CPQ: variants seen among roughly 807,000 people sequenced by gnomAD.
CPQ encodes Ser-Met dipeptidase.
A neutral mutation model predicts 45.7 loss-of-function variants in CPQ; 37 were observed. The observed-to-expected ratio is 0.81, with a 90% CI of 0.62 to 1.07. The LOEUF (loss-of-function observed/expected upper bound fraction) is 1.07, where lower values mean the gene tolerates loss of function less well. Ranked by LOEUF, CPQ falls within the 50% of genes least tolerant of loss-of-function variation. CPQ has a pLI of 0.00. For missense variants in CPQ, 537 were observed against 572.9 expected, an observed-to-expected ratio of 0.94 and a Z score of 0.64; for synonymous variants, 186 against 205.8, an observed-to-expected ratio of 0.90 and a Z score of 0.82.
At chr8:97,042,328 G>A (rs1242049229) in intron 6 of CPQ, among the ~76,000 whole-genome samples, 1 of 151,864 alleles carries the variant, frequency 6.6e-6, no homozygotes, top group Non-Finnish European at 1.5e-5. Context: ...GATCGGTGGT[G>A]ATATCCCCTT....
At chr8:96,888,835 T>C (rs1812336955) in intron 4 of CPQ, among the ~76,000 whole-genome samples, 1 of 152,226 alleles carries the variant, frequency 6.6e-6, no homozygotes, top group South Asian at 2.1e-4. Flanking sequence ...TTTAGTGTTT[T>C]TTATTATATT....
At chr8:96,917,741 A>G (rs1812751840) in intron 4 of CPQ, among the ~76,000 whole-genome samples, 1 of 152,136 alleles carries the variant, frequency 6.6e-6, no homozygotes, top group African/African-American at 2.4e-5. Flanking sequence ...AATCATTTGT[A>G]TCTATTAAGA....
At chr8:96,985,776 A>G (rs1808957579) in intron 5 of CPQ, among the ~76,000 whole-genome samples, 1 of 152,214 alleles carries the variant, frequency 6.6e-6, no homozygotes, top group South Asian at 2.1e-4. Flanking sequence ...ATAATAATGT[A>G]TCTCCAGATT....
chr8:96,755,828 G>T lies in CPQ; in HGVS notation c.-34-29036G>T, dbSNP rs143745095. On this transcript the variant is annotated intron_variant, in intron 1 of 7. Coordinates refer to ENST00000220763, the MANE Select transcript of CPQ (RefSeq NM_016134.4). ...AATTATGATTATGATAAATTATGAT[G>T]CTATGAGAATAAACACAAGCATAAA... Among the ~76,000 whole-genome samples the T allele has an allele frequency of 8.1e-3, 1,225 of 151,962 alleles. 16 individuals carry two copies. The highest frequency in any genetic ancestry group is 0.024 in the African/African-American group (989 of 41,510).
intron 6 of CPQ, among the ~76,000 whole-genome samples, chr8:97,064,419 A>C (rs1410840519): frequency 3.9e-5 from 6 of 152,120 alleles, no homozygotes; most frequent in Non-Finnish European, 8.8e-5. Flanking sequence ...CATATTATTA[A>C]CTCTAATGAT....
At chr8:97,036,736 T>C (rs1330829555) in intron 6 of CPQ, among the ~76,000 whole-genome samples, 19 of 152,226 alleles carry the variant, frequency 1.2e-4, no homozygotes, top group Admixed American at 1.2e-3. Flanking sequence ...TAAGGAAAAA[T>C]ATGATCTGGC....
chr8:96,690,129 C>T (rs1236957020), intron 1 of CPQ, among the ~76,000 whole-genome samples: 1 of 151,938 alleles, frequency 6.6e-6, no homozygotes, highest in Non-Finnish European at 1.5e-5. Context: ...GAGGTATGTG[C>T]TTATTTTTTT....
intron 7 of CPQ, among the ~76,000 whole-genome samples, chr8:97,127,938 G>A (rs1811874524): frequency 6.6e-6 from 1 of 152,170 alleles, no homozygotes; most frequent in Non-Finnish European, 1.5e-5. Context: ...GACGGGGGTG[G>A]GAAGGAATGG....
chr8:96,724,425 G>A (rs1202918096), intron 1 of CPQ, among the ~76,000 whole-genome samples: 1 of 151,454 alleles, frequency 6.6e-6, no homozygotes, highest in African/African-American at 2.4e-5. Flanking sequence ...GTGATTTGCA[G>A]TAGTATTTCT....
chr8:96,794,783 A>C (rs190479767), intron 2 of CPQ, among the ~76,000 whole-genome samples: 1 of 152,224 alleles, frequency 6.6e-6, no homozygotes, highest in African/African-American at 2.4e-5. Context: ...ATCTCTCTCA[A>C]GTTCAAAGTT....
At chr8:97,104,966 A>T (rs1389131371) in intron 7 of CPQ, among the ~76,000 whole-genome samples, 1 of 152,208 alleles carries the variant, frequency 6.6e-6, no homozygotes, top group Non-Finnish European at 1.5e-5. Context: ...GGCCTACATA[A>T]CAAACTACCA....
At chr8:96,964,211 C>T (rs1156481601) in intron 4 of CPQ, among the ~76,000 whole-genome samples, 2 of 144,372 alleles carry the variant, frequency 1.4e-5, no homozygotes, top group African/African-American at 5.0e-5. Flanking sequence ...CACACACACA[C>T]ACACACATCC....
rs1475311002 is a variant in CPQ, at chr8:97,143,500, G to C, written c.*317G>C. On this transcript the variant is annotated 3_prime_UTR_variant, in exon 8 of 8. Transcript: ENST00000220763. Reference sequence around the variant, plus strand: ...CTTAATAAATTTTTGGAAGATCTCTGATTTTTATGTGTTCATTTATGAACA... The same window carrying C: ...CTTAATAAATTTTTGGAAGATCTCTCATTTTTATGTGTTCATTTATGAACA... 1.5e-5 allele frequency: 3 copies of C among 198,002 alleles called. No individual in the cohort carries two copies. The highest frequency in any genetic ancestry group is 4.7e-5 in the African/African-American group (2 of 42,790). 12.3% of individuals were successfully genotyped at this position (198,002 alleles called of 1,614,324 possible).
At chr8:96,958,046 G>A (rs1813386074) in intron 4 of CPQ, among the ~76,000 whole-genome samples, 1 of 150,256 alleles carries the variant, frequency 6.7e-6, no homozygotes, top group South Asian at 2.1e-4. Context: ...TCACTACATT[G>A]TACAGGCTGG....
At chr8:96,986,741 A>C (rs972295998) in intron 5 of CPQ, among the ~76,000 whole-genome samples, 1 of 152,144 alleles carries the variant, frequency 6.6e-6, no homozygotes, top group Non-Finnish European at 1.5e-5. Context: ...ATATTTTTAG[A>C]ATGGACTTTG....
At chr8:96,943,805 A>G (rs1175101140) in intron 4 of CPQ, among the ~76,000 whole-genome samples, 1 of 152,148 alleles carries the variant, frequency 6.6e-6, no homozygotes, top group Non-Finnish European at 1.5e-5. Context: ...TGAAGCTTCT[A>G]ATGCATATTG....
intron 4 of CPQ, among the ~76,000 whole-genome samples, chr8:96,936,425 G>A (rs144050664): frequency 1.6e-4 from 24 of 152,144 alleles, no homozygotes; most frequent in East Asian, 5.8e-4. Flanking sequence ...TTTACTTTCC[G>A]TGATGCTTTA....
At chr8:96,862,061 G>T (rs1315810537) in intron 3 of CPQ, among the ~76,000 whole-genome samples, 4 of 152,036 alleles carry the variant, frequency 2.6e-5, no homozygotes, top group Non-Finnish European at 5.9e-5. Context: ...AGTGGCATAA[G>T]CAAAGCCATG....
At chr8:96,870,457 T>C (rs1189853703) in intron 3 of CPQ, among the ~76,000 whole-genome samples, 2 of 152,024 alleles carry the variant, frequency 1.3e-5, no homozygotes, top group Admixed American at 1.3e-4. Context: ...TTGCTACTAA[T>C]AGTAATCATC....
Sources: gnomAD v4.1 joint callset for allele counts (sites outside exome capture counted in the v4.1 genomes callset) on GRCh38, gnomAD v4.1.1 for gene constraint, MANE v1.5 for transcripts, NCBI Gene and HGNC (gene_info 2026-07-23, HGNC 2026-07-21) for gene names.